Variants in ATG14 observed in about 807,000 individuals in gnomAD.
ATG14 encodes autophagy related 14.
ATG14 carries 35 observed loss-of-function variants against 60.4 expected under a neutral mutation model. The observed-to-expected ratio is 0.58, with a 90% CI of 0.44 to 0.77. The LOEUF is 0.77. Ranked by LOEUF, ATG14 falls within the 30% of genes least tolerant of loss-of-function variation. The pLI is 0.00. For synonymous variants in ATG14, 234 were observed against 228.8 expected, an observed-to-expected ratio of 1.02 and a Z score of -0.21; for missense variants, 647 against 626.3, an observed-to-expected ratio of 1.03 and a Z score of -0.35.
At chr14:55,377,699 C>T in intron 9 of ATG14, 120 bp downstream of exon 9, 1 of 618,990 alleles carries the variant, frequency 1.6e-6, no homozygotes, top group Non-Finnish European at 2.7e-6. Flanking sequence ...TTGGACTCCA[C>T]TATTTTTGTC....
chr14:55,367,080 C>G lies in ATG14; in HGVS notation c.*2539G>C, dbSNP rs1884695680. ...AAAATATATCCTATCCATAAAGTTCCCACATCTTTGTAAATTTTGTGGAAG... is the reference window on the plus strand; with the variant it reads ...AAAATATATCCTATCCATAAAGTTCGCACATCTTTGTAAATTTTGTGGAAG... On this transcript the variant is annotated 3_prime_UTR_variant, in exon 10 of 10. Coordinates refer to ENST00000247178, the MANE Select transcript of ATG14 (RefSeq NM_014924.5). The G allele has an allele frequency of 6.6e-6, 1 of 152,570 alleles. No individual in the cohort carries two copies. The highest frequency in any genetic ancestry group is 6.5e-5 in the Admixed American group (1 of 15,278). The allele number at this position is 152,570 out of a possible 1,614,324, so 9.5% of individuals were successfully genotyped here.
chr14:55,383,243 A>T (rs1885065323), intron 5 of ATG14, among the ~76,000 whole-genome samples: 1 of 135,036 alleles, frequency 7.4e-6, no homozygotes, highest in Admixed American at 7.5e-5. Flanking sequence ...TATTCGGGGG[A>T]AAAAAAGAAA....
chr14:55,373,823 T>A (rs1001952024), intron 9 of ATG14, among the ~76,000 whole-genome samples: 2 of 150,776 alleles, frequency 1.3e-5, no homozygotes, highest in African/African-American at 2.4e-5. Context: ...AAAAAAAAGT[T>A]TATCTTTTCA....
At chr14:55,376,004 C>T (rs962321427) in intron 9 of ATG14, among the ~76,000 whole-genome samples, 1 of 152,160 alleles carries the variant, frequency 6.6e-6, no homozygotes, top group Non-Finnish European at 1.5e-5. Flanking sequence ...TTATTTAATT[C>T]TCTTTGGCAT....
chr14:55,407,992 G>T (rs1174257770), intron 1 of ATG14, among the ~76,000 whole-genome samples: 2 of 152,192 alleles, frequency 1.3e-5, no homozygotes, highest in Non-Finnish European at 2.9e-5. Flanking sequence ...GCCTACAACT[G>T]TGGAGCAGTG....
At chr14:55,399,516 A>G (rs1380586098) in intron 1 of ATG14, among the ~76,000 whole-genome samples, 4 of 152,212 alleles carry the variant, frequency 2.6e-5, no homozygotes, top group East Asian at 1.9e-4. Flanking sequence ...GGCATTTACT[A>G]TGTACCTGCA....
chr14:55,411,532 T>G, intron 1 of ATG14, 70 bp downstream of exon 1: 6 of 1,472,126 alleles, frequency 4.1e-6, no homozygotes, highest in Non-Finnish European at 5.5e-6. Context: ...AGCCCCAGGT[T>G]CCAGCCTTCG....
In ATG14 at chr14:55,395,997, G is replaced by T; in HGVS notation, c.285-15C>A. ...CTTTTAACACTCTGTGAGGAAAAGAGACAGAAAATAAGCTCTTAAAAATAA... is the reference window on the plus strand; with the variant it reads ...CTTTTAACACTCTGTGAGGAAAAGATACAGAAAATAAGCTCTTAAAAATAA... On this transcript the variant is annotated splice_polypyrimidine_tract_variant and intron_variant, in intron 2 of 9. Transcript: ENST00000247178. The T allele has an allele frequency of 6.4e-7, 1 of 1,568,254 alleles. No individual in the cohort carries two copies. Among genetic ancestry groups the T allele is most frequent in the Non-Finnish European group, 8.6e-7 (1 of 1,159,634 alleles).
chr14:55,393,465 A>G (rs1885258862), intron 3 of ATG14, among the ~76,000 whole-genome samples: 1 of 152,182 alleles, frequency 6.6e-6, no homozygotes, highest in Admixed American at 6.5e-5. Flanking sequence ...GAAGAAAAAC[A>G]GAAAATGTGA....
chr14:55,402,947 A>ATG (rs1566585708), intron 1 of ATG14, among the ~76,000 whole-genome samples: 35 of 73,830 alleles, frequency 4.7e-4, no homozygotes, highest in Non-Finnish European at 8.6e-4. Flanking sequence ...ATATATATAT[A>ATG]TATATATATA....
At chr14:55,389,707 A>G (rs1223633679) in intron 4 of ATG14, among the ~76,000 whole-genome samples, 3 of 152,222 alleles carry the variant, frequency 2.0e-5, no homozygotes, top group Non-Finnish European at 2.9e-5. Context: ...CTGATTTTCA[A>G]TGTGAAAATA....
At chr14:55,411,078 G>A (rs1444216589) in intron 1 of ATG14, among the ~76,000 whole-genome samples, 1 of 152,110 alleles carries the variant, frequency 6.6e-6, no homozygotes, top group Non-Finnish European at 1.5e-5. Flanking sequence ...AGGGGAAAGG[G>A]GCGTTAACAG....
chr14:55,378,079 AAAAC>A lies in ATG14; in HGVS notation c.996-9_996-6del, dbSNP rs2140126259. ...AGATTTTCGCCACAAAATTCACTGT[AAAAC>A]AAACATACAATTTATAAAGTTGCAT... On this transcript the variant is annotated splice_region_variant and splice_polypyrimidine_tract_variant and intron_variant, in intron 7 of 9. Transcript: ENST00000247178. 1.9e-6 allele frequency: 3 copies of A among 1,610,460 alleles called. No individual in the cohort carries two copies. The highest frequency in any genetic ancestry group is 1.1e-5 in the South Asian group (1 of 90,388).
At chr14:55,407,161 G>A (rs1166138528) in intron 1 of ATG14, among the ~76,000 whole-genome samples, 4 of 151,822 alleles carry the variant, frequency 2.6e-5, no homozygotes, top group African/African-American at 9.7e-5. Context: ...ACAGAGTCTC[G>A]CTCTCTCGCC....
chr14:55,386,032 G>A lies in ATG14; in HGVS notation c.474C>T (p.His158=), dbSNP rs374038417. 20 of 1,613,960 alleles carry A rather than the reference G, an allele frequency of 1.2e-5. No homozygotes were observed. Among genetic ancestry groups the A allele is most frequent in the Non-Finnish European group, 1.7e-5 (20 of 1,179,976 alleles). ...NQKLYSRAQR[H]QEKKEKIQRH... is the part of the protein sequence containing the mutation. ...TCTGAATCTTCTCCTTTTTCTCTTG[G>A]TGCCGTTGTGCTCGACTGTAAAGCT... The change falls in exon 5 of 10, where the codon CAC becomes CAT. Residue 158 remains histidine (H), a synonymous_variant. Transcript: ENST00000247178.
chr14:55,370,457 A>G (rs1884788645), intron 9 of ATG14, among the ~76,000 whole-genome samples: 1 of 152,200 alleles, frequency 6.6e-6, no homozygotes, highest in Non-Finnish European at 1.5e-5. Flanking sequence ...AACTGTTTAG[A>G]ATATATTCAG....
rs970687205 is a variant in ATG14, at chr14:55,371,929, G to C, written c.1173-2004C>G. 2.0e-5 allele frequency among the ~76,000 whole-genome samples: 3 copies of C among 152,294 alleles called. No homozygotes were observed. In the East Asian group the frequency reaches 5.8e-4, roughly 29 times the overall value. On this transcript the variant is annotated intron_variant, in intron 9 of 9. Transcript: ENST00000247178. ...GGAGTAGGACTTTCTACTGCCCCTT[G>C]AATTTCTCTGCCAGCAAACTAATGG...
intron 1 of ATG14, among the ~76,000 whole-genome samples, chr14:55,397,683 C>T (rs1344651187): frequency 6.6e-6 from 1 of 152,142 alleles, no homozygotes; most frequent in Non-Finnish European, 1.5e-5. Flanking sequence ...ATATCTTCCG[C>T]CCAGATTAAA....
intron 3 of ATG14, among the ~76,000 whole-genome samples, chr14:55,393,496 C>T (rs77247150): frequency 0.058 from 8,851 of 151,842 alleles, 324 homozygotes; most frequent in South Asian, 0.09. Context: ...GACTCCTTCC[C>T]ATTTCTCAGG....
Sources: gnomAD v4.1 joint callset for allele counts (sites outside exome capture counted in the v4.1 genomes callset) on GRCh38, gnomAD v4.1.1 for gene constraint, MANE v1.5 for transcripts, NCBI Gene and HGNC (gene_info 2026-07-23, HGNC 2026-07-21) for gene names.